Variants in KMT2A observed in about 807,000 individuals in gnomAD.
KMT2A encodes lysine methyltransferase 2A, also known as histone-lysine N-methyltransferase 2A.
A neutral mutation model predicts 345.3 loss-of-function variants in KMT2A; 16 were observed. That is an observed-to-expected ratio of 0.05 (90% CI 0.03 to 0.07). The LOEUF (loss-of-function observed/expected upper bound fraction) is 0.07. Ranked by LOEUF, KMT2A falls within the 10% of genes least tolerant of loss-of-function variation. The pLI, the probability that KMT2A is intolerant of heterozygous loss-of-function variation, is 1.00. For missense variants in KMT2A, 3,272 were observed against 4,841.6 expected (o/e 0.68, Z 9.62); for synonymous variants, 1,599 against 1,778.6 (o/e 0.90, Z 2.54).
intron 4 of KMT2A, 38 bp downstream of exon 4, chr11:118,477,020 TTTTGA>T (rs782634520): frequency 1.2e-6 from 2 of 1,601,752 alleles, no homozygotes; most frequent in Non-Finnish European, 1.7e-6. Flanking sequence ...CGGAACAGAC[TTTTGA>T]TTTGTTTGTT....
chr11:118,507,917 C>A (rs1421760419), intron 28 of KMT2A, among the ~76,000 whole-genome samples: 1 of 152,050 alleles, frequency 6.6e-6, no homozygotes, highest in Non-Finnish European at 1.5e-5. Flanking sequence ...GAGCTGAGAT[C>A]GCGCCACTGC....
chr11:118,507,602 C>T lies in KMT2A; in HGVS notation c.10828C>T (p.Pro3610Ser), dbSNP rs782393372. 2.5e-6 allele frequency: 4 copies of T among 1,612,884 alleles called. No homozygotes were observed. The highest frequency in any genetic ancestry group is 3.4e-6 in the Non-Finnish European group (4 of 1,178,880). The part of the protein sequence containing the change: ...EQSSQKECGQ[P>S]AGQVAVLPEV... Reference sequence around the variant, plus strand: ...GTCCTCCCAGAAGGAGTGTGGGCAACCTGCAGGGTAAGCTGAAGAATTCGT... The same window carrying T: ...GTCCTCCCAGAAGGAGTGTGGGCAATCTGCAGGGTAAGCTGAAGAATTCGT... Residue 3610 changes from proline (P) to serine (S), a missense_variant, in exon 28 of 36, where the codon CCT becomes TCT. Transcript: ENST00000534358.
At position 118,490,002 on chromosome 11, in the gene KMT2A, C is replaced by A; in HGVS notation, c.4575+115C>A. 7.0e-7 allele frequency: 1 copy of A among 1,425,330 alleles called. No homozygotes were observed. Among genetic ancestry groups the A allele is most frequent in the Non-Finnish European group, 9.7e-7 (1 of 1,030,052 alleles). 88.3% of individuals were successfully genotyped at this position (1,425,330 alleles called of 1,614,324 possible). On this transcript the variant is annotated intron_variant, in intron 12 of 35. Coordinates refer to ENST00000534358, the MANE Select transcript of KMT2A (RefSeq NM_001197104.2). This position sits in a 1 kb window ranked among gnomAD's most constrained non-coding sequence, Gnocchi z 4.2. ...GATGTCAGTATGACAATCTTTTTGC[C>A]TCATTACTAGGAAATCATCTCAGCA... is the stretch of plus-strand genomic sequence containing the variant.
intron 1 of KMT2A, among the ~76,000 whole-genome samples, chr11:118,456,643 A>G (rs1442873942): frequency 2.0e-5 from 3 of 152,106 alleles, no homozygotes; most frequent in Non-Finnish European, 4.4e-5. Flanking sequence ...TGGCATGCCT[A>G]TATATTTCTA....
At position 118,523,737 on chromosome 11, in the gene KMT2A, C is replaced by G. The variant is rs1555054452; in HGVS notation, c.*1565C>G. The G allele has an allele frequency of 9.0e-6, 2 of 221,286 alleles. No homozygotes were observed. The highest frequency in any genetic ancestry group is 1.8e-5 in the Non-Finnish European group (2 of 110,448). The allele number at this position is 221,286 out of a possible 1,614,324, so 13.7% of individuals were successfully genotyped here. A position where few individuals can be genotyped will look rare whatever the true frequency, so the allele number is the denominator to read the frequency against. The stretch of plus-strand genomic sequence containing the variant: ...TAGAGAAAATATTCAGCTGTACACA[C>G]AAAGTCTGGTTTTTCCTGCCCAACT... On this transcript the variant is annotated 3_prime_UTR_variant, in exon 36 of 36. Coordinates refer to ENST00000534358, the MANE Select transcript of KMT2A (RefSeq NM_001197104.2).
intron 6 of KMT2A, among the ~76,000 whole-genome samples, chr11:118,481,042 G>A (rs1453069864): frequency 3.9e-5 from 6 of 151,994 alleles, no homozygotes; most frequent in East Asian, 1.9e-4. Flanking sequence ...AATCACATCA[G>A]GGTACATGGG....
chr11:118,504,171 G>T lies in KMT2A; in HGVS notation c.8279G>T (p.Arg2760Ile), dbSNP rs1950545284. 2 of 1,614,072 alleles carry T rather than the reference G, an allele frequency of 1.2e-6. No individual in the cohort carries two copies. The highest frequency in any genetic ancestry group is 1.7e-5 in the Admixed American group (1 of 60,000). Reference sequence around the variant, plus strand: ...GGAACAGAGAACTTAAAGATTGATAGACCTGAAGATGCTGGGGAGAAAGAA... The same window carrying T: ...GGAACAGAGAACTTAAAGATTGATATACCTGAAGATGCTGGGGAGAAAGAA... ...ENGTENLKID[R>I]PEDAGEKEHV... The change falls in exon 27 of 36, where the codon AGA (arginine) becomes ATA (isoleucine). Residue 2760 changes from arginine to isoleucine, a missense_variant. This residue lies in a region of KMT2A where 100 missense variants were observed against 101.3 expected (regional missense o/e 0.99). Transcript: ENST00000534358. This position sits in a 1 kb window ranked among gnomAD's most constrained non-coding sequence, Gnocchi z 6.4.
chr11:118,511,887 T>G, intron 30 of KMT2A, 64 bp from the exon 31 acceptor site: 1 of 1,214,674 alleles, frequency 8.2e-7, no homozygotes, highest in Non-Finnish European at 1.2e-6. Flanking sequence ...GTGCACATCA[T>G]TGGTATTAAG....
chr11:118,498,369 G>T lies in KMT2A; in HGVS notation c.5803-1G>T, dbSNP rs1555044700. On this transcript the variant is annotated splice_acceptor_variant, in intron 21 of 35. Coordinates refer to ENST00000534358, the MANE Select transcript of KMT2A (RefSeq NM_001197104.2). LOFTEE classifies it high-confidence loss of function. The surrounding 1 kb of genome is among the most constrained non-coding windows in gnomAD (Gnocchi z 4.4). ...GGACTCTGTTCTTTTTGGATTTTTA[G>T]AGATGTGAATTCTGCCAAAAGCCAG... 6.2e-7 allele frequency: 1 copy of T among 1,603,484 alleles called. No homozygotes were observed.
rs962438438 is a variant in KMT2A at position 118,454,837 on chromosome 11, G to A, written c.433-13938G>A. Among the ~76,000 whole-genome samples, 10 of 151,786 alleles carry A rather than the reference G, an allele frequency of 6.6e-5. No individual in the cohort carries two copies. The East Asian group carries it at 1.9e-3, about 29-fold the overall frequency. Reference sequence around the variant, plus strand: ...ATATTCTTTTGACTTTAAAAAAATGGTTAATTTTTTTTTTTTTTAATTTTA... The same window carrying A: ...ATATTCTTTTGACTTTAAAAAAATGATTAATTTTTTTTTTTTTTAATTTTA... On this transcript the variant is annotated intron_variant, in intron 1 of 35. Coordinates refer to ENST00000534358, the MANE Select transcript of KMT2A (RefSeq NM_001197104.2).
chr11:118,510,828 A>G lies in KMT2A; in HGVS notation c.11071+710A>G. On this transcript the variant is annotated intron_variant, in intron 30 of 35. Coordinates refer to ENST00000534358, the MANE Select transcript of KMT2A (RefSeq NM_001197104.2). The surrounding 1 kb of genome is among the most constrained non-coding windows in gnomAD (Gnocchi z 4.1). ...CACCATGGGTGAGTTAGGGTTATCA[A>G]AAACCCATGAAGATAAATAGAAGAT... 6.6e-6 allele frequency among the ~76,000 whole-genome samples: 1 copy of G among 152,232 alleles called. No individual in the cohort carries two copies. Among genetic ancestry groups the G allele is most frequent in the East Asian group, 1.9e-4 (1 of 5,202 alleles).
chr11:118,468,934 TC>T, intron 2 of KMT2A, 90 bp downstream of exon 2: 3 of 936,216 alleles, frequency 3.2e-6, no homozygotes, highest in Non-Finnish European at 5.2e-6. Flanking sequence ...TAAAGGATGC[TC>T]TACCATACTT....
In KMT2A at chr11:118,524,989, A is replaced by G. The variant is rs1309059833; in HGVS notation, c.*2817A>G. On this transcript the variant is annotated 3_prime_UTR_variant, in exon 36 of 36. Transcript: ENST00000534358. ...TTTCCACCCCCTAATTGTCAACCAC[A>G]AAAATGAGAAATTCCTCTTCTAGCT... 4.7e-6 allele frequency: 1 copy of G among 211,842 alleles called. No individual in the cohort carries two copies. Among genetic ancestry groups the G allele is most frequent in the Non-Finnish European group, 9.6e-6 (1 of 104,338 alleles). 13.1% of individuals were successfully genotyped at this position (211,842 alleles called of 1,614,324 possible).
intron 1 of KMT2A, chr11:118,450,197 CCTTT>C (rs1198704822): frequency 1.3e-5 from 2 of 151,440 alleles, no homozygotes; most frequent in Non-Finnish European, 2.9e-5. Flanking sequence ...TGGAAATACA[CCTTT>C]CTTGAGTTTT....
rs1198112001 is a variant in KMT2A, at chr11:118,523,768, CT to C, written c.*1597del. The C allele has an allele frequency of 4.6e-6, 1 of 217,280 alleles. No homozygotes were observed. The highest frequency in any genetic ancestry group is 2.2e-5 in the African/African-American group (1 of 44,448). The allele number at this position is 217,280 out of a possible 1,614,324, so 13.5% of individuals were successfully genotyped here. On this transcript the variant is annotated 3_prime_UTR_variant, in exon 36 of 36. Transcript: ENST00000534358. ...CTGGTTTTTCCTGCCCAACTTCCCC[CT>C]GGAAGGTGTACTTTTTGTTGTTTAA...
In KMT2A at chr11:118,493,077, A is replaced by C; in HGVS notation, c.5025A>C (p.Leu1675Phe). The change falls in exon 16 of 36, where the codon TTA becomes TTC. Residue 1675 changes from leucine (L) to phenylalanine (F), a missense_variant. Leu to Phe is a conservative substitution (Grantham distance 22). Coordinates refer to ENST00000534358, the MANE Select transcript of KMT2A (RefSeq NM_001197104.2). The surrounding 1 kb of genome is among the most constrained non-coding windows in gnomAD (Gnocchi z 5.8). ...RYRQAAKPPD[L>F]NPETEESIPS... ...AATAGGCTGCCAAGCCTCCAGACTT[A>C]AATCCCGAGACAGAGGAGAGTATAC... 6.2e-7 allele frequency: 1 copy of C among 1,613,652 alleles called. No individual in the cohort carries two copies. The highest frequency in any genetic ancestry group is 8.5e-7 in the Non-Finnish European group (1 of 1,179,704).
rs782230027 is a variant in KMT2A, at chr11:118,481,995, C to T, written c.3915C>T (p.Ile1305=). The T allele has an allele frequency of 6.2e-7, 1 of 1,614,216 alleles. No individual in the cohort carries two copies. The highest frequency in any genetic ancestry group is 1.1e-5 in the South Asian group (1 of 91,084). Residue 1305 remains isoleucine, a synonymous_variant, in exon 7 of 36, where the codon ATC becomes ATT. Transcript: ENST00000534358. ...AGGTCTCCCAGCCAGCACTGGTCAT[C>T]CCGCCTCAGCCACCTACTACAGGAC... ...SKQVSQPALV[I]PPQPPTTGPP...
chr11:118,476,321 G>A lies in KMT2A; in HGVS notation c.3157-484G>A, dbSNP rs1215901336. ...CTGAACTTTTTGATAATATAGACTG[G>A]CAGCTTGAATTTTGAGGGGAATTTA... On this transcript the variant is annotated intron_variant, in intron 3 of 35. Transcript: ENST00000534358. The surrounding 1 kb of genome is among the most constrained non-coding windows in gnomAD (Gnocchi z 4.1). Among the ~76,000 whole-genome samples, 1 of 152,148 alleles carries A rather than the reference G, an allele frequency of 6.6e-6. No homozygotes were observed. The highest frequency in any genetic ancestry group is 1.5e-5 in the Non-Finnish European group (1 of 68,030).
chr11:118,440,213 C>G (rs1190994901), intron 1 of KMT2A, among the ~76,000 whole-genome samples: 1 of 152,196 alleles, frequency 6.6e-6, no homozygotes, highest in Non-Finnish European at 1.5e-5. Context: ...TTCCAGATGA[C>G]TTTGCTGTTT....
Sources: allele counts gnomAD v4.1 joint callset (sites outside exome capture counted in the v4.1 genomes callset), GRCh38; gene constraint gnomAD v4.1.1; regional missense constraint gnomAD v4.1.1; non-coding constraint Gnocchi (gnomAD v3.1); transcripts MANE v1.5; gene names NCBI Gene and HGNC (gene_info 2026-07-23, HGNC 2026-07-21).